The following RPS6KA2 variants were observed in gnomAD, a reference collection of about 807,000 sequenced individuals.
RPS6KA2 encodes the protein ribosomal protein S6 kinase A2.
A neutral mutation model predicts 91.8 loss-of-function variants in RPS6KA2; 42 were observed. That is an observed-to-expected ratio of 0.46 (90% CI 0.36 to 0.59). The LOEUF (loss-of-function observed/expected upper bound fraction) is 0.59. RPS6KA2 is among the 20% of genes least tolerant of loss of function. The pLI, the probability that RPS6KA2 is intolerant of heterozygous loss-of-function variation, is 0.00. For missense variants in RPS6KA2, 798 were observed against 978.5 expected (o/e 0.82, Z 2.46); for synonymous variants, 414 against 393.6 (o/e 1.05, Z -0.61).
intron 12 of RPS6KA2, among the ~76,000 whole-genome samples, chr6:166,453,822 G>C (rs910488032): frequency 6.6e-6 from 1 of 152,188 alleles, no homozygotes; most frequent in African/African-American, 2.4e-5. Context: ...ACAGGTGATT[G>C]GGTAAACAAA....
rs564924886 is a variant in RPS6KA2, at chr6:166,728,735, G to T, written c.123+129465C>A. On this transcript the variant is annotated intron_variant, in intron 2 of 21. Transcript: ENST00000503859. ...CTTTCTCACTTCTAAAAAACGGTAT[G>T]GTCTCGACGCATACAGATCAGCTCT... Among the ~76,000 whole-genome samples the T allele has an allele frequency of 2.5e-4, 38 of 152,264 alleles. No homozygotes were observed. The South Asian group carries it at 7.9e-3, about 32-fold the overall frequency.
At position 166,448,061 on chromosome 6, in the gene RPS6KA2, A is replaced by C. The variant is rs1489494813; in HGVS notation, c.1332+663T>G. Among the ~76,000 whole-genome samples, 1 of 152,226 alleles carries C rather than the reference A, an allele frequency of 6.6e-6. No individual in the cohort carries two copies. Among genetic ancestry groups the C allele is most frequent in the Non-Finnish European group, 1.5e-5 (1 of 68,048 alleles). On this transcript the variant is annotated intron_variant, in intron 14 of 20. Coordinates refer to ENST00000265678, the MANE Select transcript of RPS6KA2 (RefSeq NM_021135.6). This position sits in a 1 kb window ranked among gnomAD's most constrained non-coding sequence, Gnocchi z 4.7. The stretch of plus-strand genomic sequence containing the variant: ...ACTGGTATTCTGGATTCCCAGATCA[A>C]ATATTTAAGCAGCAACAATTACGAA...
At position 166,412,720 on chromosome 6, in the gene RPS6KA2, C is replaced by G; in HGVS notation, c.*42G>C. ...TCCGAGGCCGGGGTCTGTGAGCCCA[C>G]GAGGATGCTGGCAGGGGACGCTGGG... On this transcript the variant is annotated 3_prime_UTR_variant, in exon 21 of 21. Coordinates refer to ENST00000265678, the MANE Select transcript of RPS6KA2 (RefSeq NM_021135.6). The surrounding 1 kb of genome is among the most constrained non-coding windows in gnomAD (Gnocchi z 4.3). The G allele has an allele frequency of 6.4e-7, 1 of 1,551,426 alleles. No homozygotes were observed. Among genetic ancestry groups the G allele is most frequent in the South Asian group, 1.2e-5 (1 of 84,608 alleles).
At chr6:166,604,588 G>A (rs142167132) in intron 1 of RPS6KA2, among the ~76,000 whole-genome samples, 3 of 152,310 alleles carry the variant, frequency 2.0e-5, no homozygotes, top group Admixed American at 6.5e-5. Context: ...CGTGCCTCGG[G>A]CCTTACCTGA....
intron 2 of RPS6KA2, among the ~76,000 whole-genome samples, chr6:166,705,976 C>G (rs1365137899): frequency 6.6e-6 from 1 of 152,130 alleles, no homozygotes; most frequent in African/African-American, 2.4e-5. Context: ...AGAGAGGGCC[C>G]TCACACCTTC....
Position 166,545,203 on chromosome 6 carries a change from C to T in RPS6KA2, c.100-6419G>A, listed in dbSNP as rs1783787527. Among the ~76,000 whole-genome samples, 4 of 152,180 alleles carry T rather than the reference C, an allele frequency of 2.6e-5. No homozygotes were observed. The South Asian group carries it at 6.2e-4, about 24-fold the overall frequency. ...TTTCAGAGTTTGAACTGCATCTATTCGATACAATGCTCAAATGGATGCCGC... is the reference window on the plus strand; with the variant it reads ...TTTCAGAGTTTGAACTGCATCTATTTGATACAATGCTCAAATGGATGCCGC... On this transcript the variant is annotated intron_variant, in intron 1 of 20. Coordinates refer to ENST00000265678, the MANE Select transcript of RPS6KA2 (RefSeq NM_021135.6).
intron 2 of RPS6KA2, among the ~76,000 whole-genome samples, chr6:166,756,271 C>T (rs1174093036): frequency 1.3e-5 from 2 of 152,072 alleles, no homozygotes; most frequent in Admixed American, 6.5e-5. Context: ...GCCTGGGCAA[C>T]AGAGCGAGAC....
At chr6:166,439,746 G>A (rs1779460118) in intron 14 of RPS6KA2, 1 of 152,230 alleles carries the variant, frequency 6.6e-6, no homozygotes, top group Admixed American at 6.5e-5. Flanking sequence ...GTGTTCTCTG[G>A]TTGGTCCTGA....
intron 2 of RPS6KA2, among the ~76,000 whole-genome samples, chr6:166,650,007 C>A (rs538969691): frequency 6.6e-6 from 1 of 152,178 alleles, no homozygotes; most frequent in Admixed American, 6.5e-5. Context: ...TAAAACAAAT[C>A]TTTATTACCC....
rs1488756986 is a variant in RPS6KA2 at position 166,732,988 on chromosome 6, G to T, written c.123+125212C>A. 6.6e-6 allele frequency among the ~76,000 whole-genome samples: 1 copy of T among 152,184 alleles called. No individual in the cohort carries two copies. The highest frequency in any genetic ancestry group is 1.5e-5 in the Non-Finnish European group (1 of 68,040). ...GGCTGGGGTGCAGGGTGGGAGGCAG[G>T]GGTGCACACTTATGCATTTGCCCAG... On this transcript the variant is annotated intron_variant, in intron 2 of 21. Transcript: ENST00000503859. This position sits in a 1 kb window ranked among gnomAD's most constrained non-coding sequence, Gnocchi z 4.0.
chr6:166,532,352 G>A (rs895565868), intron 2 of RPS6KA2, among the ~76,000 whole-genome samples: 1 of 152,206 alleles, frequency 6.6e-6, no homozygotes, highest in African/African-American at 2.4e-5. Context: ...GACACTTACC[G>A]AGTGCAGGGG....
chr6:166,817,230 T>C (rs891906005), intron 2 of RPS6KA2, among the ~76,000 whole-genome samples: 1 of 152,182 alleles, frequency 6.6e-6, no homozygotes, highest in African/African-American at 2.4e-5. Context: ...ATTAAAGCTC[T>C]AAATTTGAAA....
At chr6:166,449,181 G>T (rs879651689) in intron 13 of RPS6KA2, among the ~76,000 whole-genome samples, 1 of 152,154 alleles carries the variant, frequency 6.6e-6, no homozygotes, top group Non-Finnish European at 1.5e-5. Flanking sequence ...TGCTGGGTGC[G>T]TGGCTCCAAT....
intron 2 of RPS6KA2, among the ~76,000 whole-genome samples, chr6:166,744,827 C>A (rs11963649): frequency 0.01 from 1,576 of 152,268 alleles, 35 homozygotes; most frequent in African/African-American, 0.036. Flanking sequence ...AGAGGGAGCA[C>A]CCTCAGTACT....
At chr6:166,847,898 AAGATAAATAGATGGG>A (rs58221729) in intron 2 of RPS6KA2, among the ~76,000 whole-genome samples, 6,259 of 152,294 alleles carry the variant, frequency 0.041, 529 homozygotes, top group East Asian at 0.36. Context: ...AACAAAAACA[AAGATAAATAGATGGG>A]ACTTAATTAA....
At chr6:166,713,307 G>A (rs1345647194) in intron 2 of RPS6KA2, among the ~76,000 whole-genome samples, 2 of 152,088 alleles carry the variant, frequency 1.3e-5, no homozygotes, top group Non-Finnish European at 2.9e-5. Context: ...AGGTGGGAGG[G>A]GTTTTCATTT....
At chr6:166,616,197 G>T (rs969155564) in intron 1 of RPS6KA2, among the ~76,000 whole-genome samples, 8 of 152,170 alleles carry the variant, frequency 5.3e-5, no homozygotes, top group African/African-American at 1.9e-4. Flanking sequence ...GACCCTGTAA[G>T]GCAGATGTTA....
chr6:166,810,961 G>A (rs845677), intron 2 of RPS6KA2, among the ~76,000 whole-genome samples: 60 of 152,278 alleles, frequency 3.9e-4, no homozygotes, highest in Admixed American at 1.2e-3. Flanking sequence ...ATCTTCCCTC[G>A]AGAAGCCAGG....
chr6:166,774,106 G>A (rs923506038), intron 2 of RPS6KA2, among the ~76,000 whole-genome samples: 11 of 152,122 alleles, frequency 7.2e-5, no homozygotes, highest in African/African-American at 2.7e-4. Context: ...AGGCACCATC[G>A]CTTTCACGGC....
Sources: gnomAD v4.1 joint callset for allele counts (sites outside exome capture counted in the v4.1 genomes callset) on GRCh38, gnomAD v4.1.1 for gene constraint, Gnocchi (gnomAD v3.1) non-coding constraint, MANE v1.5 for transcripts, NCBI Gene and HGNC (gene_info 2026-07-23, HGNC 2026-07-21) for gene names.